Variants in GRID2 observed in about 807,000 individuals in gnomAD.
GRID2 encodes glutamate ionotropic receptor delta type subunit 2.
Under a neutral mutation model 114.8 loss-of-function variants are expected in GRID2, and 33 were observed. The ratio of observed to expected loss-of-function variants is 0.29; its 90% CI spans 0.22 to 0.38. The LOEUF is 0.38. Among genes scored for constraint, GRID2 ranks in the 10% least tolerant of loss-of-function variants. The pLI, the probability that GRID2 is intolerant of heterozygous loss-of-function variation, is 1.00. For missense variants in GRID2, 1,184 were observed against 1,257.7 expected (o/e 0.94, Z 0.89); for synonymous variants, 505 against 449.9 (o/e 1.12, Z -1.55).
chr4:92,709,573 A>G (rs889092578), intron 2 of GRID2, among the ~76,000 whole-genome samples: 7 of 82,882 alleles, frequency 8.4e-5, no homozygotes, highest in Admixed American at 1.3e-4. Flanking sequence ...TAGTGTAGAG[A>G]AAAAAAAAAA....
Position 93,043,208 on chromosome 4 carries a change from CT to C in GRID2, c.245-41784del, listed in dbSNP as rs1363937265. Among the ~76,000 whole-genome samples the C allele has an allele frequency of 2.6e-5, 4 of 152,232 alleles. No homozygotes were observed. The East Asian group carries it at 7.7e-4, about 29-fold the overall frequency. On this transcript the variant is annotated intron_variant, in intron 2 of 15. Coordinates refer to ENST00000282020, the MANE Select transcript of GRID2 (RefSeq NM_001510.4). ...TTAGCAATTAAGTGTTTGTTGGTAA[CT>C]TTCAAGATCATTCAGAAATCAAACT...
intron 14 of GRID2, among the ~76,000 whole-genome samples, chr4:93,728,513 A>G (rs989309445): frequency 1.3e-5 from 2 of 152,114 alleles, no homozygotes; most frequent in Non-Finnish European, 2.9e-5. Context: ...TGCTTGGTGC[A>G]GAGCTGAGTT....
At chr4:93,629,328 A>G (rs1743035702) in intron 14 of GRID2, among the ~76,000 whole-genome samples, 2 of 152,120 alleles carry the variant, frequency 1.3e-5, no homozygotes, top group South Asian at 4.1e-4. Flanking sequence ...CTTGGTAACG[A>G]CACCCTGCAT....
intron 2 of GRID2, among the ~76,000 whole-genome samples, chr4:92,614,400 C>G (rs1228124092): frequency 6.6e-6 from 1 of 151,606 alleles, no homozygotes; most frequent in Non-Finnish European, 1.5e-5. Flanking sequence ...TACCTGATTG[C>G]TATAAATGTA....
chr4:93,782,559 C>T (rs1734501177), intron 1 of GRID2, among the ~76,000 whole-genome samples: 1 of 151,914 alleles, frequency 6.6e-6, no homozygotes, highest in Admixed American at 6.6e-5. Context: ...CCTGTGACAC[C>T]AATTCCACTA....
At chr4:93,515,063 A>G (rs1196687679) in intron 12 of GRID2, among the ~76,000 whole-genome samples, 153 bp from the exon 13 acceptor site, 3 of 152,174 alleles carry the variant, frequency 2.0e-5, no homozygotes, top group African/African-American at 7.2e-5. Flanking sequence ...TTTCTTACAC[A>G]TTATATCCTA....
At chr4:92,866,240 CCTTA>C (rs1744854308) in intron 2 of GRID2, among the ~76,000 whole-genome samples, 2 of 152,078 alleles carry the variant, frequency 1.3e-5, no homozygotes, top group Admixed American at 6.5e-5. Context: ...ACATAGATGG[CCTTA>C]CTTGTTGCCT....
chr4:93,427,040 C>T (rs1161876938), intron 10 of GRID2, among the ~76,000 whole-genome samples: 1 of 151,806 alleles, frequency 6.6e-6, no homozygotes, highest in Non-Finnish European at 1.5e-5. Context: ...AATAACATTT[C>T]AAGAAGGAAA....
chr4:92,336,873 A>G (rs1254119142), intron 1 of GRID2, among the ~76,000 whole-genome samples: 2 of 147,746 alleles, frequency 1.4e-5, no homozygotes, highest in African/African-American at 5.0e-5. Flanking sequence ...CACACCCATC[A>G]TGCCCCACGA....
chr4:92,983,952 G>C (rs529320499), intron 2 of GRID2, among the ~76,000 whole-genome samples: 8 of 152,330 alleles, frequency 5.3e-5, no homozygotes, highest in African/African-American at 1.4e-4. Flanking sequence ...ATAGGACAGA[G>C]ACTGGGATTT....
intron 2 of GRID2, among the ~76,000 whole-genome samples, chr4:93,048,717 G>T (rs1306937782): frequency 6.6e-6 from 1 of 152,082 alleles, no homozygotes; most frequent in Admixed American, 6.6e-5. Flanking sequence ...CTAGGGAAGA[G>T]AAAGCAAATC....
At position 92,496,709 on chromosome 4, in the gene GRID2, CAGTTTTAT is replaced by C. The variant is rs200313352; in HGVS notation, c.89-93421_89-93414del. Among the ~76,000 whole-genome samples, 111 of 151,262 alleles carry C rather than the reference CAGTTTTAT, an allele frequency of 7.3e-4. 2 individuals carry two copies. The East Asian group carries it at 0.02, about 28-fold the overall frequency. ...ATAATAATATAATTTGACATTTAAA[CAGTTTTAT>C]TGTGAAAATGAAAATGAATGTTGTT... On this transcript the variant is annotated intron_variant, in intron 1 of 15. Coordinates refer to ENST00000282020, the MANE Select transcript of GRID2 (RefSeq NM_001510.4).
chr4:93,264,725 T>A (rs1293928023), intron 8 of GRID2, among the ~76,000 whole-genome samples: 1 of 116,852 alleles, frequency 8.6e-6, no homozygotes, highest in African/African-American at 3.8e-5. Context: ...TATATATATA[T>A]CATTTGAATT....
At chr4:92,745,086 C>T (rs1260847827) in intron 2 of GRID2, among the ~76,000 whole-genome samples, 2 of 152,130 alleles carry the variant, frequency 1.3e-5, no homozygotes, top group African/African-American at 2.4e-5. Flanking sequence ...TTAATCTAAA[C>T]TCCACAGAGG....
intron 2 of GRID2, among the ~76,000 whole-genome samples, chr4:92,769,136 A>G (rs1738411094): frequency 6.6e-6 from 1 of 152,166 alleles, no homozygotes; most frequent in Non-Finnish European, 1.5e-5. Flanking sequence ...CATTGGGTAA[A>G]TGCAGCCATT....
At position 92,697,418 on chromosome 4, in the gene GRID2, G is replaced by C. The variant is rs1734469700; in HGVS notation, c.244+107132G>C. Among the ~76,000 whole-genome samples the C allele has an allele frequency of 1.3e-5, 2 of 152,150 alleles. 1 individual carries two copies. The highest frequency in any genetic ancestry group is 4.1e-4 in the South Asian group (2 of 4,822). ...AGGGTTTGAGTAGAAAATTGAGTAGGGTTATAACAAGAATTGGTTTTGATT... is the reference window on the plus strand; with the variant it reads ...AGGGTTTGAGTAGAAAATTGAGTAGCGTTATAACAAGAATTGGTTTTGATT... On this transcript the variant is annotated intron_variant, in intron 2 of 15. Coordinates refer to ENST00000282020, the MANE Select transcript of GRID2 (RefSeq NM_001510.4).
intron 4 of GRID2, among the ~76,000 whole-genome samples, chr4:93,201,623 C>A (rs1231617239): frequency 6.6e-6 from 1 of 152,174 alleles, no homozygotes; most frequent in Non-Finnish European, 1.5e-5. Context: ...TTTAGTTAAG[C>A]CACAAGGTTG....
chr4:93,613,969 G>A lies in GRID2; in HGVS notation c.2194-12300G>A, dbSNP rs1166234127. On this transcript the variant is annotated intron_variant, in intron 13 of 15. Coordinates refer to ENST00000282020, the MANE Select transcript of GRID2 (RefSeq NM_001510.4). Reference sequence around the variant, plus strand: ...CTGTGCTAGCAATCAGCGAGATTCCGTGGGCGTAGGACCCTCTGAGCCAGG... The same window carrying A: ...CTGTGCTAGCAATCAGCGAGATTCCATGGGCGTAGGACCCTCTGAGCCAGG... Among the ~76,000 whole-genome samples the A allele has an allele frequency of 4.0e-5, 6 of 151,890 alleles. No individual in the cohort carries two copies. The South Asian group carries it at 6.3e-4, about 16-fold the overall frequency.
intron 2 of GRID2, among the ~76,000 whole-genome samples, chr4:92,999,193 A>C (rs1755390112): frequency 6.6e-6 from 1 of 151,928 alleles, no homozygotes; most frequent in Non-Finnish European, 1.5e-5. Flanking sequence ...CACTGTCAAA[A>C]TTTGCATGCG....
Sources: gnomAD v4.1 joint callset for allele counts (sites outside exome capture counted in the v4.1 genomes callset) on GRCh38, gnomAD v4.1.1 for gene constraint, MANE v1.5 for transcripts, NCBI Gene and HGNC (gene_info 2026-07-23, HGNC 2026-07-21) for gene names.